ADGRG2: variants seen among roughly 807,000 people sequenced by gnomAD.
ADGRG2 encodes adhesion G protein-coupled receptor G2, also known as G protein-coupled receptor 64.
ADGRG2 carries 26 observed loss-of-function variants against 74.1 expected under a neutral mutation model. The ratio of observed to expected loss-of-function variants is 0.35; its 90% CI spans 0.26 to 0.49. The LOEUF (loss-of-function observed/expected upper bound fraction) is 0.49, where lower values mean the gene tolerates loss of function less well. Among genes scored for constraint, ADGRG2 ranks in the 20% least tolerant of loss-of-function variants. The pLI is 0.99. For missense variants in ADGRG2, 619 were observed against 763.1 expected (o/e 0.81, Z 2.22); for synonymous variants, 296 against 295.2 (o/e 1.00, Z -0.03).
chrX:19,088,938 A>G (rs2061973637), intron 1 of ADGRG2, among the ~76,000 whole-genome samples: 1 of 111,825 alleles, frequency 8.9e-6, no homozygotes, highest in South Asian at 3.7e-4. Context: ...TTGGGCTACA[A>G]ATTAAGGCTG....
chrX:19,065,759 A>C (rs866877909), intron 3 of ADGRG2, among the ~76,000 whole-genome samples: 1 of 111,707 alleles, frequency 9.0e-6, no homozygotes, highest in Non-Finnish European at 1.9e-5. Flanking sequence ...TTTACTCATC[A>C]GTAAAGTGGG....
intron 2 of ADGRG2, among the ~76,000 whole-genome samples, chrX:19,071,643 A>T (rs1220224704): frequency 9.0e-6 from 1 of 111,700 alleles, no homozygotes; most frequent in Non-Finnish European, 1.9e-5. Context: ...ACAATATTGG[A>T]TGTGGGCACA....
intron 1 of ADGRG2, among the ~76,000 whole-genome samples, chrX:19,103,158 T>G (rs2147042144): frequency 9.0e-6 from 1 of 111,447 alleles, no homozygotes; most frequent in African/African-American, 3.3e-5. Flanking sequence ...CCAGCCAAAA[T>G]GCACCAAAAA....
At chrX:19,039,382 T>C (rs927010140) in intron 4 of ADGRG2, 19 of 313,253 alleles carry the variant, frequency 6.1e-5, no homozygotes, top group Non-Finnish European at 1.2e-4. Flanking sequence ...ATAGCTATTG[T>C]GATTAATTGG....
intron 1 of ADGRG2, among the ~76,000 whole-genome samples, chrX:19,090,708 A>ATT (rs11293957): frequency 4.7e-5 from 5 of 105,587 alleles, no homozygotes; most frequent in African/African-American, 1.0e-4. Context: ...TGAATGATGT[A>ATT]TTTTTTTTTT....
chrX:19,048,216 C>T (rs1235036533), intron 3 of ADGRG2, among the ~76,000 whole-genome samples: 4 of 111,918 alleles, frequency 3.6e-5, no homozygotes, highest in Admixed American at 1.9e-4. Context: ...CATTTTGGAG[C>T]GTCCATAAAT....
chrX:19,108,262 GA>G (rs111561307), intron 1 of ADGRG2, among the ~76,000 whole-genome samples: 63 of 104,077 alleles, frequency 6.1e-4, no homozygotes, highest in African/African-American at 1.7e-3. Flanking sequence ...AGGAGTTCAA[GA>G]AAAAAAAAAA....
chrX:19,041,968 C>T lies in ADGRG2; in HGVS notation c.119-1744G>A, dbSNP rs767934003. 9.9e-5 allele frequency among the ~76,000 whole-genome samples: 11 copies of T among 110,700 alleles called. No homozygotes were observed. In the South Asian group the frequency reaches 4.3e-3, roughly 44 times the overall value. ...GGGACCATAGGTACGCACCACCACACCTGGCTAATTTTTTTATTTTATTTT... is the reference window on the plus strand; with the variant it reads ...GGGACCATAGGTACGCACCACCACATCTGGCTAATTTTTTTATTTTATTTT... On this transcript the variant is annotated intron_variant, in intron 3 of 28. Transcript: ENST00000379869.
At chrX:19,047,260 T>C (rs1340283011) in intron 3 of ADGRG2, among the ~76,000 whole-genome samples, 1 of 111,554 alleles carries the variant, frequency 9.0e-6, no homozygotes, top group Non-Finnish European at 1.9e-5. Context: ...CTCAATAACA[T>C]ACCTGTTAAT....
chrX:19,034,652 G>A (rs2060896440), intron 7 of ADGRG2: 1 of 112,284 alleles, frequency 8.9e-6, no homozygotes, highest in Admixed American at 9.4e-5. Context: ...GAATCTTTTA[G>A]GTCCGGGTGC....
Position 19,033,440 on chromosome X carries a change from C to T in ADGRG2, c.304+173G>A. ...CTGTGTCTGATCATTATTATATAGC[C>T]CCAAACACCTAGTACAATTTCAGGT... On this transcript the variant is annotated intron_variant, in intron 8 of 28. Transcript: ENST00000379869. The T allele has an allele frequency of 8.1e-6, 3 of 368,978 alleles. No homozygotes were observed. In the South Asian group the frequency reaches 1.4e-4, roughly 17 times the overall value. The allele number at this position is 368,978 out of a possible 1,213,427, so 30.4% of individuals were successfully genotyped here.
intron 1 of ADGRG2, among the ~76,000 whole-genome samples, chrX:19,094,145 G>A (rs1354987740): frequency 1.8e-5 from 2 of 111,255 alleles, no homozygotes; most frequent in Non-Finnish European, 3.8e-5. Context: ...ATAGAGTATG[G>A]ATAGACATAG....
chrX:18,992,805 G>A (rs1569351702), intron 28 of ADGRG2, among the ~76,000 whole-genome samples: 1 of 112,529 alleles, frequency 8.9e-6, no homozygotes, highest in East Asian at 2.8e-4. Context: ...GTGGTAAAAT[G>A]TGCTGTTTCC....
chrX:19,119,372 T>G lies in ADGRG2; in HGVS notation c.-47+3070A>C, dbSNP rs185362890. Among the ~76,000 whole-genome samples, 6 of 111,969 alleles carry G rather than the reference T, an allele frequency of 5.4e-5. No homozygotes were observed. The East Asian group carries it at 1.7e-3, about 31-fold the overall frequency. The stretch of plus-strand genomic sequence containing the variant: ...CTCACACCACAATCCCAAAATAAAT[T>G]CCATGCGGATTAAATACCTACACAT... On this transcript the variant is annotated intron_variant, in intron 1 of 28. Transcript: ENST00000379869.
intron 1 of ADGRG2, among the ~76,000 whole-genome samples, chrX:19,092,360 G>A (rs1357029404): frequency 9.1e-6 from 1 of 109,608 alleles, no homozygotes; most frequent in Middle Eastern, 4.2e-3. Flanking sequence ...CAAATTAGCA[G>A]AGTAGACAGT....
chrX:19,068,600 G>A, intron 3 of ADGRG2, 117 bp downstream of exon 3: 1 of 412,537 alleles, frequency 2.4e-6, no homozygotes, highest in Non-Finnish European at 4.3e-6. Flanking sequence ...ACTTAAAAAT[G>A]GTTAAAATGA....
chrX:19,023,422 G>T lies in ADGRG2; in HGVS notation c.542C>A (p.Ala181Asp). Residue 181 changes from alanine (A) to aspartate (D), a missense_variant, in exon 13 of 29, where the codon GCC becomes GAC. Physicochemically the swap from Ala to Asp is moderately radical, Grantham distance 126 (BLOSUM62 -2). Transcript: ENST00000379869. ...TYFIMCATAE[A>D]QSTLNCTFTI... is the part of the protein sequence containing the mutation. ...AGTATTAAAAATGACTGACCTTTGGGCCTCTGCTGTAGCACACATTATAAA... is the reference window on the plus strand; with the variant it reads ...AGTATTAAAAATGACTGACCTTTGGTCCTCTGCTGTAGCACACATTATAAA... 1 of 1,104,680 alleles carries T rather than the reference G, an allele frequency of 9.1e-7. No homozygotes were observed. Among genetic ancestry groups the T allele is most frequent in the Non-Finnish European group, 1.2e-6 (1 of 811,376 alleles). 91.0% of individuals were successfully genotyped at this position (1,104,680 alleles called of 1,213,427 possible).
At chrX:19,048,733 G>A (rs1401131706) in intron 3 of ADGRG2, among the ~76,000 whole-genome samples, 1 of 112,259 alleles carries the variant, frequency 8.9e-6, no homozygotes, top group Non-Finnish European at 1.9e-5. Context: ...TGCTGGTCCT[G>A]GCCCGTGCTG....
chrX:19,010,663 G>A lies in ADGRG2; in HGVS notation c.1215C>T (p.Val405=), dbSNP rs745721171. The change falls in exon 17 of 29, where the codon GTC becomes GTT. Residue 405 remains valine (V), a synonymous_variant. Transcript: ENST00000379869. ...CAGGCGGGGAATGAAGGAGTCTGCT[G>A]ACTTGGTTGATCATTTCTCCTGCGA... ...PNLAGEMINQ[V]SRLLHSPPDM... The A allele has an allele frequency of 1.6e-5, 19 of 1,207,981 alleles. No individual in the cohort carries two copies. In the Admixed American group the frequency reaches 3.9e-4, roughly 25 times the overall value.
Sources: allele counts gnomAD v4.1 joint callset (sites outside exome capture counted in the v4.1 genomes callset), GRCh38; gene constraint gnomAD v4.1.1; transcripts MANE v1.5; gene names NCBI Gene and HGNC (gene_info 2026-07-23, HGNC 2026-07-21).